Variants in PCDHA8 observed in about 807,000 individuals in gnomAD.
PCDHA8 encodes the protein protocadherin alpha-8.
A neutral mutation model predicts 61.8 loss-of-function variants in PCDHA8; 53 were observed. That is an observed-to-expected ratio of 0.86 (90% CI 0.69 to 1.08). The LOEUF is 1.08. Ranked by LOEUF, PCDHA8 falls within the 50% of genes least tolerant of loss-of-function variation. The pLI, the probability that PCDHA8 is intolerant of heterozygous loss-of-function variation, is 0.00. For missense variants in PCDHA8, 1,293 were observed against 1,245.0 expected, an observed-to-expected ratio of 1.04 and a Z score of -0.58; for synonymous variants, 618 against 556.6, an observed-to-expected ratio of 1.11 and a Z score of -1.55.
chr5:140,856,036 A>T (rs1554148102), intron 1 of PCDHA8: 1 of 1,567,408 alleles, frequency 6.4e-7, no homozygotes, highest in African/African-American at 1.4e-5. Context: ...TTGTAAAACA[A>T]GAGAAGGATA....
At position 140,927,603 on chromosome 5, in the gene PCDHA8, A is replaced by G. The variant is rs538616533; in HGVS notation, c.2395-51346A>G. On this transcript the variant is annotated intron_variant, in intron 1 of 3. Coordinates refer to ENST00000531613, the MANE Select transcript of PCDHA8 (RefSeq NM_018911.3). ...ACGCGCCTGTATTTGAGCGCTCCGT[A>G]TACCGCACCAAGGTTCCAGAGACTG... 8.1e-6 allele frequency: 13 copies of G among 1,614,190 alleles called. No homozygotes were observed. In the Admixed American group the frequency reaches 1.2e-4, roughly 14 times the overall value.
chr5:140,992,798 CAT>C (rs1554253202), intron 3 of PCDHA8, among the ~76,000 whole-genome samples: 1 of 152,076 alleles, frequency 6.6e-6, no homozygotes, highest in African/African-American at 2.4e-5. Context: ...TTTATGGATC[CAT>C]ATGTATCTAA....
At chr5:140,877,748 G>T in intron 1 of PCDHA8, 1 of 1,614,188 alleles carries the variant, frequency 6.2e-7, no homozygotes, top group Non-Finnish European at 8.5e-7. Flanking sequence ...CAGAGGGTGT[G>T]CTCTGCAGAG....
Position 140,882,079 on chromosome 5 carries a change from G to A in PCDHA8, c.2394+38364G>A. ...CTTACACGTTCATGCGCATGGTGTC[G>A]CTCTTCACTGAGAACGTTTCCGCGA... On this transcript the variant is annotated intron_variant, in intron 1 of 3. Transcript: ENST00000531613. The A allele has an allele frequency of 3.1e-6, 3 of 952,852 alleles. No homozygotes were observed. In the East Asian group the frequency reaches 7.8e-5, roughly 25 times the overall value. 59.0% of individuals were successfully genotyped at this position (952,852 alleles called of 1,614,324 possible). A position where few individuals can be genotyped will look rare whatever the true frequency, so the allele number is the denominator to read the frequency against.
chr5:140,938,124 A>G (rs2091929948), intron 1 of PCDHA8, among the ~76,000 whole-genome samples: 1 of 152,076 alleles, frequency 6.6e-6, no homozygotes, highest in South Asian at 2.1e-4. Flanking sequence ...TTTTTTTAAA[A>G]AAATAGAGAT....
intron 1 of PCDHA8, among the ~76,000 whole-genome samples, chr5:140,973,426 C>T (rs1554235288): frequency 6.6e-6 from 1 of 152,192 alleles, no homozygotes; most frequent in East Asian, 1.9e-4. Flanking sequence ...GTTTTTCATC[C>T]TCTGATGGTC....
At chr5:140,844,381 T>C (rs1554140633) in intron 1 of PCDHA8, among the ~76,000 whole-genome samples, 1 of 149,612 alleles carries the variant, frequency 6.7e-6, no homozygotes, top group African/African-American at 2.4e-5. Flanking sequence ...TTCTTTTAAT[T>C]CATTATTTAG....
Position 140,852,281 on chromosome 5 carries a change from T to C in PCDHA8, c.2394+8566T>C, listed in dbSNP as rs2150514779. ...ATGCTACAATATTACATGTTTTTTG[T>C]CTTTTTATTTTTCTGAGACGGAGTC... On this transcript the variant is annotated intron_variant, in intron 1 of 3. Coordinates refer to ENST00000531613, the MANE Select transcript of PCDHA8 (RefSeq NM_018911.3). 5.5e-5 allele frequency: 28 copies of C among 508,306 alleles called. 1 individual carries two copies. In the South Asian group the frequency reaches 2.0e-3, roughly 37 times the overall value. 31.5% of individuals were successfully genotyped at this position (508,306 alleles called of 1,614,324 possible).
chr5:140,951,863 C>T (rs991949987), intron 1 of PCDHA8, among the ~76,000 whole-genome samples: 10 of 152,096 alleles, frequency 6.6e-5, no homozygotes, highest in Non-Finnish European at 7.3e-5. Flanking sequence ...TCCAAAGTCT[C>T]ATCTGAGACA....
intron 1 of PCDHA8, chr5:140,864,601 A>C (rs2048532983): frequency 6.6e-6 from 1 of 152,200 alleles, no homozygotes; most frequent in Non-Finnish European, 1.5e-5. Context: ...TCAGATAGCC[A>C]ACAACTTTGT....
chr5:140,849,905 G>T (rs373526467), intron 1 of PCDHA8: 1 of 1,598,310 alleles, frequency 6.3e-7, no homozygotes, highest in Non-Finnish European at 8.6e-7. Context: ...ACAACCCGCC[G>T]GGCTGCCACA....
chr5:140,984,091 T>G (rs1357477287), intron 3 of PCDHA8, among the ~76,000 whole-genome samples: 1 of 152,204 alleles, frequency 6.6e-6, no homozygotes. Context: ...GAAGAAATGA[T>G]GGAGGAGGAA....
intron 1 of PCDHA8, chr5:140,967,470 C>T (rs1554229592): frequency 1.2e-6 from 2 of 1,613,462 alleles, no homozygotes; most frequent in Non-Finnish European, 8.5e-7. Context: ...GGGGGCATCC[C>T]AGCCCGCTCG....
intron 1 of PCDHA8, chr5:140,966,633 C>G (rs2096029445): frequency 8.9e-6 from 9 of 1,005,802 alleles, no homozygotes; most frequent in Non-Finnish European, 5.4e-6. Flanking sequence ...CGGCCCCAGG[C>G]GCTTTCTAGA....
chr5:140,850,082 G>A lies in PCDHA8; in HGVS notation c.2394+6367G>A. On this transcript the variant is annotated intron_variant, in intron 1 of 3. Coordinates refer to ENST00000531613, the MANE Select transcript of PCDHA8 (RefSeq NM_018911.3). ...AGCCGTTGGACCACGAGGAGCTGGA[G>A]CTGCTACAGTTCCAGGTGAGCGCGC... 2 of 1,596,634 alleles carry A rather than the reference G, an allele frequency of 1.3e-6. 1 individual carries two copies. Among genetic ancestry groups the A allele is most frequent in the Non-Finnish European group, 1.7e-6 (2 of 1,167,856 alleles).
chr5:140,844,883 C>T (rs932765025), intron 1 of PCDHA8, among the ~76,000 whole-genome samples: 1 of 149,278 alleles, frequency 6.7e-6, no homozygotes, highest in African/African-American at 2.5e-5. Flanking sequence ...CATTAGACTT[C>T]GTGCATATTG....
intron 1 of PCDHA8, chr5:140,857,917 G>A: frequency 6.3e-7 from 1 of 1,597,868 alleles, no homozygotes; most frequent in South Asian, 1.1e-5. Context: ...CGTTTCGCGT[G>A]GGGCTGTACA....
chr5:140,967,665 C>G (rs782126222), intron 1 of PCDHA8: 1 of 1,614,154 alleles, frequency 6.2e-7, no homozygotes. Context: ...AGCAGCTACA[C>G]GTCGGACCGG....
At chr5:141,000,361 GTCTCTCTCTCTCTCTCTC>G (rs148596731) in intron 3 of PCDHA8, among the ~76,000 whole-genome samples, 25 of 26,446 alleles carry the variant, frequency 9.5e-4, no homozygotes, top group African/African-American at 4.9e-3. Context: ...GTCTCTCTCT[GTCTCTCTCTCTCTCTCTC>G]TCTCTCTCTC....
Sources: gnomAD v4.1 joint callset for allele counts (sites outside exome capture counted in the v4.1 genomes callset) on GRCh38, gnomAD v4.1.1 for gene constraint, MANE v1.5 for transcripts, NCBI Gene and HGNC (gene_info 2026-07-23, HGNC 2026-07-21) for gene names.